Variants in FGF14 observed in about 807,000 individuals in gnomAD.
The protein encoded by FGF14 is fibroblast growth factor homologous factor 4.
FGF14 carries 5 observed loss-of-function variants against 25.5 expected under a neutral mutation model. The ratio of observed to expected loss-of-function variants is 0.20; its 90% confidence interval spans 0.10 to 0.41. FGF14 has a LOEUF of 0.41. FGF14 is among the 10% of genes least tolerant of loss of function. The pLI, the probability that FGF14 is intolerant of heterozygous loss-of-function variation, is 1.00. For synonymous variants in FGF14, 138 were observed against 118.3 expected (o/e 1.17, Z -1.08); for missense variants, 222 against 320.1 (o/e 0.69, Z 2.34).
intron 1 of FGF14, among the ~76,000 whole-genome samples, chr13:102,047,836 AATC>A (rs979048637): frequency 6.6e-6 from 1 of 152,190 alleles, no homozygotes; most frequent in African/African-American, 2.4e-5. Flanking sequence ...TAATAAAAAA[AATC>A]ATCTTTACAA....
intron 3 of FGF14, among the ~76,000 whole-genome samples, chr13:101,789,775 T>G (rs892310981): frequency 1.3e-5 from 2 of 151,798 alleles, no homozygotes; most frequent in Admixed American, 6.6e-5. Context: ...AAAAAGTATA[T>G]TAAATTAAAA....
chr13:102,308,270 A>T (rs1302437665), intron 1 of FGF14, among the ~76,000 whole-genome samples: 1 of 152,202 alleles, frequency 6.6e-6, no homozygotes, highest in African/African-American at 2.4e-5. Context: ...TGTGTTTAAC[A>T]ATAAAAAGTT....
At chr13:101,926,251 C>CA (rs1480254730) in intron 1 of FGF14, among the ~76,000 whole-genome samples, 1 of 152,190 alleles carries the variant, frequency 6.6e-6, no homozygotes, top group Non-Finnish European at 1.5e-5. Context: ...GACACTTACC[C>CA]ACGCCCCTCT....
rs370867881 is a variant in FGF14 at position 101,798,434 on chromosome 13, T to G, written c.408+70291A>C. Among the ~76,000 whole-genome samples, 4 of 152,106 alleles carry G rather than the reference T, an allele frequency of 2.6e-5. No individual in the cohort carries two copies. The East Asian group carries it at 7.7e-4, about 29-fold the overall frequency. On this transcript the variant is annotated intron_variant, in intron 3 of 4. Coordinates refer to ENST00000376143, the MANE Select transcript of FGF14 (RefSeq NM_004115.4). ...TGAAGTAGTTTGAGATTAAAATAGCTCAATTATGTTGATCATAAACAGGTG... is the reference window on the plus strand; with the variant it reads ...TGAAGTAGTTTGAGATTAAAATAGCGCAATTATGTTGATCATAAACAGGTG...
chr13:102,281,055 T>C (rs796802013), intron 1 of FGF14, among the ~76,000 whole-genome samples: 53 of 152,336 alleles, frequency 3.5e-4, no homozygotes, highest in African/African-American at 1.2e-3. Flanking sequence ...CTGCTATTAC[T>C]TTCTTTTATT....
intron 1 of FGF14, among the ~76,000 whole-genome samples, chr13:101,935,967 T>C (rs1420740206): frequency 6.6e-6 from 1 of 152,178 alleles, no homozygotes; most frequent in East Asian, 1.9e-4. Context: ...ATTTTGGTGG[T>C]TCTATGACAG....
At chr13:101,896,804 T>C (rs1406037824) in intron 1 of FGF14, among the ~76,000 whole-genome samples, 1 of 152,146 alleles carries the variant, frequency 6.6e-6, no homozygotes, top group African/African-American at 2.4e-5. Context: ...AGGAGAGTTA[T>C]TTCTCATCAG....
chr13:102,314,220 G>T (rs2055910540), intron 1 of FGF14, among the ~76,000 whole-genome samples: 1 of 152,268 alleles, frequency 6.6e-6, no homozygotes, highest in Middle Eastern at 3.4e-3. Context: ...TGCCTGACCT[G>T]ATCATCTTAC....
intron 3 of FGF14, among the ~76,000 whole-genome samples, chr13:101,781,631 T>G (rs2039497777): frequency 6.6e-6 from 1 of 152,224 alleles, no homozygotes; most frequent in Non-Finnish European, 1.5e-5. Flanking sequence ...TTTTAGAATT[T>G]AAATTGCCCA....
At chr13:101,994,767 C>T (rs932157819) in intron 1 of FGF14, among the ~76,000 whole-genome samples, 10 of 151,956 alleles carry the variant, frequency 6.6e-5, no homozygotes, top group Admixed American at 6.6e-4. Context: ...ATATTTCATG[C>T]TATCCCTTAT....
At chr13:102,081,494 T>C (rs1434440181) in intron 1 of FGF14, among the ~76,000 whole-genome samples, 1 of 152,184 alleles carries the variant, frequency 6.6e-6, no homozygotes, top group Non-Finnish European at 1.5e-5. Context: ...TCATCGACCT[T>C]CCCACTGGCT....
At chr13:102,039,262 CT>C (rs1029379289) in intron 1 of FGF14, among the ~76,000 whole-genome samples, 2 of 152,150 alleles carry the variant, frequency 1.3e-5, no homozygotes, top group Admixed American at 6.5e-5. Context: ...AGATAACTTT[CT>C]TTTTCTTTCA....
intron 1 of FGF14, among the ~76,000 whole-genome samples, chr13:101,937,139 A>T (rs1227967497): frequency 6.6e-6 from 1 of 152,208 alleles, no homozygotes; most frequent in Non-Finnish European, 1.5e-5. Context: ...CTGCCACTGT[A>T]GATAAAATTC....
chr13:102,144,582 C>T (rs1291595639), intron 1 of FGF14, among the ~76,000 whole-genome samples: 6 of 152,028 alleles, frequency 3.9e-5, no homozygotes, highest in South Asian at 2.1e-4. Context: ...CATATTTACA[C>T]AAAACTTTGA....
intron 1 of FGF14, among the ~76,000 whole-genome samples, chr13:101,898,548 G>A (rs2031071906): frequency 6.6e-6 from 1 of 151,984 alleles, no homozygotes; most frequent in African/African-American, 2.4e-5. Flanking sequence ...ATACAAATTT[G>A]GTGCTGAAGA....
intron 3 of FGF14, among the ~76,000 whole-genome samples, chr13:101,766,598 G>C (rs970193383): frequency 2.6e-5 from 4 of 152,198 alleles, no homozygotes; most frequent in Non-Finnish European, 5.9e-5. Context: ...TATGAGTGCA[G>C]TACTGGGCTG....
chr13:101,760,748 G>A lies in FGF14; in HGVS notation c.409-33938C>T, dbSNP rs151233212. Among the ~76,000 whole-genome samples, 967 of 152,080 alleles carry A rather than the reference G, an allele frequency of 6.4e-3. 13 individuals are homozygous for A. Among genetic ancestry groups the A allele is most frequent in the African/African-American group, 0.021 (880 of 41,462 alleles). On this transcript the variant is annotated intron_variant, in intron 3 of 4. Coordinates refer to ENST00000376143, the MANE Select transcript of FGF14 (RefSeq NM_004115.4). ...CCTTCCAGCCTCCCTGGTATTCCCC[G>A]TCTTGCTTCCATTACTTTATTTTTC...
intron 1 of FGF14, among the ~76,000 whole-genome samples, chr13:102,300,607 C>T (rs1023971122): frequency 2.0e-5 from 3 of 152,056 alleles, no homozygotes; most frequent in African/African-American, 7.2e-5. Context: ...AATCTATCTC[C>T]GTACGGACTA....
At chr13:101,785,412 C>A (rs1594238631) in intron 3 of FGF14, among the ~76,000 whole-genome samples, 1 of 148,714 alleles carries the variant, frequency 6.7e-6, no homozygotes, top group African/African-American at 2.5e-5. Flanking sequence ...ATATTATTTT[C>A]TATATTAATA....
Sources: gnomAD v4.1 joint callset for allele counts (sites outside exome capture counted in the v4.1 genomes callset) on GRCh38, gnomAD v4.1.1 for gene constraint, MANE v1.5 for transcripts, NCBI Gene and HGNC (gene_info 2026-07-23, HGNC 2026-07-21) for gene names.